Variants in SUSD4 observed in about 807,000 individuals in gnomAD.
The protein encoded by SUSD4 is sushi domain containing 4.
In SUSD4, 41 loss-of-function variants were observed where a neutral mutation model predicts 50.5. The observed-to-expected ratio is 0.81, with a 90% CI of 0.63 to 1.05. The LOEUF (loss-of-function observed/expected upper bound fraction) is 1.05. SUSD4 is among the 50% of genes least tolerant of loss of function. The probability of loss-of-function intolerance (pLI) is 0.00; values close to 1 mark genes in which losing one functional copy is unlikely to be tolerated. For missense variants in SUSD4, 580 were observed against 634.7 expected (o/e 0.91, Z 0.93); for synonymous variants, 257 against 257.3 (o/e 1.00, Z 0.01).
intron 2 of SUSD4, among the ~76,000 whole-genome samples, chr1:223,337,432 TC>T: frequency 6.6e-6 from 1 of 152,338 alleles, no homozygotes; most frequent in African/African-American, 2.4e-5. Context: ...GGATGAAACC[TC>T]AGATGTCTAA....
At position 223,288,414 on chromosome 1, in the gene SUSD4, T is replaced by C. The variant is rs149552618; in HGVS notation, c.361+4025A>G. On this transcript the variant is annotated intron_variant, in intron 3 of 8. Transcript: ENST00000366878. ...TCTTGATAAATTACCTCGTCTCAGA[T>C]AGTATATTTATAGCAGTGTGAAATG... Among the ~76,000 whole-genome samples, 58 of 152,270 alleles carry C rather than the reference T, an allele frequency of 3.8e-4. No homozygotes were observed. The East Asian group carries it at 0.011, about 28-fold the overall frequency.
intron 3 of SUSD4, among the ~76,000 whole-genome samples, chr1:223,281,338 T>C (rs1170639872): frequency 2.6e-5 from 4 of 152,118 alleles, no homozygotes; most frequent in African/African-American, 7.2e-5. Context: ...CATAGACTGC[T>C]AGCAAGACTA....
At chr1:223,350,415 A>G (rs1668293353) in intron 2 of SUSD4, among the ~76,000 whole-genome samples, 1 of 152,170 alleles carries the variant, frequency 6.6e-6, no homozygotes, top group Admixed American at 6.5e-5. Context: ...CTGCAAAGCC[A>G]TGTTTGGACC....
intron 2 of SUSD4, 78 bp downstream of exon 2, chr1:223,363,200 C>T: frequency 7.1e-7 from 1 of 1,402,250 alleles, no homozygotes; most frequent in Non-Finnish European, 9.4e-7. Flanking sequence ...GGGAGGGGTG[C>T]AGGGCTGTCC....
At chr1:223,245,589 G>A (rs927403102) in intron 5 of SUSD4, among the ~76,000 whole-genome samples, 10 of 152,264 alleles carry the variant, frequency 6.6e-5, no homozygotes, top group South Asian at 2.1e-4. Flanking sequence ...CAAGTAGTTG[G>A]GATTTTATCA....
At chr1:223,236,067 T>C (rs557047467) in intron 5 of SUSD4, among the ~76,000 whole-genome samples, 5 of 152,336 alleles carry the variant, frequency 3.3e-5, no homozygotes, top group South Asian at 2.1e-4. Flanking sequence ...AATAGGTAAG[T>C]AGTGATCTCT....
intron 2 of SUSD4, among the ~76,000 whole-genome samples, chr1:223,361,521 G>A (rs557805822): frequency 3.3e-5 from 5 of 152,224 alleles, no homozygotes; most frequent in Admixed American, 3.3e-4. Flanking sequence ...CATGCTATAG[G>A]AACCTCATAG....
intron 5 of SUSD4, among the ~76,000 whole-genome samples, chr1:223,234,082 A>G (rs1367027305): frequency 2.6e-5 from 4 of 152,192 alleles, no homozygotes; most frequent in Non-Finnish European, 4.4e-5. Flanking sequence ...AGTTTTTACC[A>G]TACTTAGTCT....
At position 223,227,344 on chromosome 1, in the gene SUSD4, G is replaced by A. The variant is rs1659585008; in HGVS notation, c.1061+250C>T. On this transcript the variant is annotated intron_variant, in intron 7 of 8. Coordinates refer to ENST00000366878, the MANE Select transcript of SUSD4 (RefSeq NM_017982.4). This position sits in a 1 kb window ranked among gnomAD's most constrained non-coding sequence, Gnocchi z 4.5. ...GTAGCCCTAACTCTGTGATCCCATC[G>A]CTAGCCCCCCATGATGCCCACCTGC... Among the ~76,000 whole-genome samples the A allele has an allele frequency of 2.0e-5, 3 of 152,232 alleles. No individual in the cohort carries two copies. Among genetic ancestry groups the A allele is most frequent in the Middle Eastern group, 3.4e-3 (1 of 294 alleles).
At chr1:223,256,201 T>A (rs1661679163) in intron 5 of SUSD4, among the ~76,000 whole-genome samples, 1 of 152,142 alleles carries the variant, frequency 6.6e-6, no homozygotes, top group South Asian at 2.1e-4. Context: ...AGAACACTAA[T>A]GGTAAAGAAG....
chr1:223,232,714 T>C (rs1218168387), intron 5 of SUSD4, among the ~76,000 whole-genome samples: 1 of 152,214 alleles, frequency 6.6e-6, no homozygotes, highest in Admixed American at 6.5e-5. Flanking sequence ...AATCATTTAA[T>C]GAGCAAAGGC....
chr1:223,277,187 G>A (rs1246338608), intron 3 of SUSD4, among the ~76,000 whole-genome samples: 1 of 152,196 alleles, frequency 6.6e-6, no homozygotes, highest in Non-Finnish European at 1.5e-5. Context: ...TCCCCAGGAA[G>A]CTCAAAGAAC....
At chr1:223,358,767 T>C (rs1446557950) in intron 2 of SUSD4, 1 of 170,204 alleles carries the variant, frequency 5.9e-6, no homozygotes, top group East Asian at 1.5e-4. Flanking sequence ...AGAGTCTCCA[T>C]GCTGCTTATA....
rs560471177 is a variant in SUSD4 at position 223,223,614 on chromosome 1, G to T, written c.1079C>A (p.Ser360Tyr). 1 of 1,607,164 alleles carries T rather than the reference G, an allele frequency of 6.2e-7. No homozygotes were observed. Among genetic ancestry groups the T allele is most frequent in the Admixed American group, 1.7e-5 (1 of 59,738 alleles). ...CACCACAAAGTCAGGGTCACTGCTGGAACTCCGGGGAGGCCCCCTGTGTAA... is the reference window on the plus strand; with the variant it reads ...CACCACAAAGTCAGGGTCACTGCTGTAACTCCGGGGAGGCCCCCTGTGTAA... ...HFPPRGPPRS[S>Y]SSDPDFVVVD... Residue 360 changes from serine (S) to tyrosine (Y), a missense_variant, in exon 8 of 9, where the codon TCC (serine) becomes TAC (tyrosine). Coordinates refer to ENST00000366878, the MANE Select transcript of SUSD4 (RefSeq NM_017982.4).
At chr1:223,259,244 T>A (rs756713684) in intron 5 of SUSD4, among the ~76,000 whole-genome samples, 24 of 152,220 alleles carry the variant, frequency 1.6e-4, no homozygotes, top group African/African-American at 5.8e-4. Context: ...TGATTTTGGT[T>A]TCTTTTAAAC....
chr1:223,235,680 T>C (rs1285242643), intron 5 of SUSD4, among the ~76,000 whole-genome samples: 1 of 152,226 alleles, frequency 6.6e-6, no homozygotes, highest in Non-Finnish European at 1.5e-5. Flanking sequence ...TTCATATCTT[T>C]TCATGGTTTG....
At chr1:223,226,023 G>A (rs1659495558) in intron 7 of SUSD4, among the ~76,000 whole-genome samples, 4 of 152,038 alleles carry the variant, frequency 2.6e-5, no homozygotes, top group Admixed American at 2.6e-4. Context: ...CAAATGAAAG[G>A]GTTTCAAGAA....
chr1:223,342,412 G>T (rs913377576), intron 2 of SUSD4, among the ~76,000 whole-genome samples: 4 of 152,182 alleles, frequency 2.6e-5, no homozygotes, highest in African/African-American at 9.7e-5. Context: ...TTAACAAAAT[G>T]ATTCCACAAT....
chr1:223,287,877 T>C (rs1437580557), intron 3 of SUSD4, among the ~76,000 whole-genome samples: 1 of 152,092 alleles, frequency 6.6e-6, no homozygotes, highest in African/African-American at 2.4e-5. Flanking sequence ...TCTAATTTCA[T>C]AAAATTTTAA....
Sources: gnomAD v4.1 joint callset for allele counts (sites outside exome capture counted in the v4.1 genomes callset) on GRCh38, gnomAD v4.1.1 for gene constraint, Gnocchi (gnomAD v3.1) non-coding constraint, MANE v1.5 for transcripts, NCBI Gene and HGNC (gene_info 2026-07-23, HGNC 2026-07-21) for gene names.